B3GALT1: variants seen among roughly 807,000 people sequenced by gnomAD.
B3GALT1 encodes the protein beta-1,3-galactosyltransferase 1.
In B3GALT1, 10 loss-of-function variants were observed where a neutral mutation model predicts 23.2. That is an observed-to-expected ratio of 0.43 (90% CI 0.27 to 0.73). The LOEUF (loss-of-function observed/expected upper bound fraction) is 0.73. B3GALT1 is among the 30% of genes least tolerant of loss of function. The pLI is 0.21. For missense variants in B3GALT1, 299 were observed against 405.4 expected (o/e 0.74, Z 2.25); for synonymous variants, 156 against 141.5 (o/e 1.10, Z -0.73).
intron 2 of B3GALT1, among the ~76,000 whole-genome samples, chr2:167,539,753 AGGTGAAGATAATATAATTT>A (rs1257267025): frequency 1.3e-5 from 2 of 152,124 alleles, no homozygotes; most frequent in Non-Finnish European, 1.5e-5. Context: ...AGGTAATATA[AGGTGAAGATAATATAATTT>A]GGTATCCACA....
intron 2 of B3GALT1, among the ~76,000 whole-genome samples, chr2:167,556,725 A>G (rs79852433): frequency 0.011 from 1,737 of 152,260 alleles, 29 homozygotes; most frequent in African/African-American, 0.04. Flanking sequence ...GATGCCCTTA[A>G]TTGGAAAATG....
intron 4 of B3GALT1, among the ~76,000 whole-genome samples, chr2:167,837,908 A>T (rs1027581393): frequency 6.6e-6 from 1 of 152,172 alleles, no homozygotes; most frequent in African/African-American, 2.4e-5. Flanking sequence ...GAAACTGAAC[A>T]ACCTGCTCCT....
chr2:167,457,657 A>G (rs1699192692), intron 1 of B3GALT1, among the ~76,000 whole-genome samples: 2 of 152,118 alleles, frequency 1.3e-5, no homozygotes, highest in African/African-American at 2.4e-5. Context: ...TAATTTCTCA[A>G]GCAAATTCTG....
chr2:167,341,661 C>G (rs1304666089), intron 1 of B3GALT1, among the ~76,000 whole-genome samples: 1 of 151,148 alleles, frequency 6.6e-6, no homozygotes, highest in African/African-American at 2.4e-5. Flanking sequence ...CACTGCATCT[C>G]AAAAACAAAA....
chr2:167,530,723 T>C (rs930894714), intron 2 of B3GALT1, among the ~76,000 whole-genome samples: 1 of 152,238 alleles, frequency 6.6e-6, no homozygotes, highest in Non-Finnish European at 1.5e-5. Flanking sequence ...GTCTTATTTT[T>C]ACAACTCTTT....
At chr2:167,526,730 G>A (rs954040791) in intron 2 of B3GALT1, among the ~76,000 whole-genome samples, 8 of 152,080 alleles carry the variant, frequency 5.3e-5, no homozygotes, top group African/African-American at 1.9e-4. Flanking sequence ...TATTTTAATA[G>A]CTGCACTTTA....
chr2:167,706,440 T>G (rs897009147), intron 3 of B3GALT1, among the ~76,000 whole-genome samples: 1 of 152,270 alleles, frequency 6.6e-6, no homozygotes, highest in East Asian at 1.9e-4. Flanking sequence ...CTGAGGACCT[T>G]CAAAGAAAAT....
At chr2:167,700,228 A>G (rs1686857806) in intron 3 of B3GALT1, among the ~76,000 whole-genome samples, 1 of 152,184 alleles carries the variant, frequency 6.6e-6, no homozygotes, top group African/African-American at 2.4e-5. Context: ...TGGGTGACAG[A>G]GTAAGACCTT....
At chr2:167,415,503 C>T (rs1408376471) in intron 1 of B3GALT1, among the ~76,000 whole-genome samples, 1 of 152,092 alleles carries the variant, frequency 6.6e-6, no homozygotes, top group Non-Finnish European at 1.5e-5. Flanking sequence ...TGAGAAGTGG[C>T]ATGTTGCTGA....
chr2:167,519,866 G>A (rs1700161809), intron 2 of B3GALT1, among the ~76,000 whole-genome samples: 1 of 152,024 alleles, frequency 6.6e-6, no homozygotes, highest in Non-Finnish European at 1.5e-5. Flanking sequence ...AAGGTTAAGA[G>A]TTTGAGACCA....
intron 1 of B3GALT1, among the ~76,000 whole-genome samples, chr2:167,416,718 G>A (rs1234089514): frequency 6.6e-6 from 1 of 152,180 alleles, no homozygotes; most frequent in Non-Finnish European, 1.5e-5. Context: ...TGACTAGCAT[G>A]CAGCAAAGCC....
chr2:167,501,951 C>T (rs1240570559), intron 2 of B3GALT1, among the ~76,000 whole-genome samples: 1 of 152,046 alleles, frequency 6.6e-6, no homozygotes, highest in Non-Finnish European at 1.5e-5. Flanking sequence ...TAATTCATTT[C>T]ATGTTTTAAG....
intron 2 of B3GALT1, among the ~76,000 whole-genome samples, chr2:167,608,556 C>A (rs1472715799): frequency 1.3e-5 from 2 of 152,032 alleles, no homozygotes; most frequent in Non-Finnish European, 2.9e-5. Flanking sequence ...TAACATATTT[C>A]TTTCAAACAG....
At chr2:167,374,279 G>A (rs868451268) in intron 1 of B3GALT1, among the ~76,000 whole-genome samples, 3 of 152,162 alleles carry the variant, frequency 2.0e-5, no homozygotes, top group Non-Finnish European at 2.9e-5. Context: ...GGACACCTAC[G>A]TTGATTTTAT....
intron 2 of B3GALT1, among the ~76,000 whole-genome samples, chr2:167,531,941 A>G (rs1683333418): frequency 6.6e-6 from 1 of 152,196 alleles, no homozygotes; most frequent in African/African-American, 2.4e-5. Context: ...ATTTTTACAA[A>G]GAAGAATTTG....
At chr2:167,456,853 C>T (rs186001255) in intron 1 of B3GALT1, among the ~76,000 whole-genome samples, 13 of 152,310 alleles carry the variant, frequency 8.5e-5, no homozygotes, top group African/African-American at 3.1e-4. Context: ...ACTCTCCAAA[C>T]TCCATAGGTT....
rs1312705407 is a variant in B3GALT1, at chr2:167,501,126, T to C, written c.-410+10849T>C. ...AGCCATAATAAAAATGACTATTCTT[T>C]TAACTAACCGTATAAGATGTTGTGT... On this transcript the variant is annotated intron_variant, in intron 2 of 4. Transcript: ENST00000392690. Among the ~76,000 whole-genome samples, 8 of 152,232 alleles carry C rather than the reference T, an allele frequency of 5.3e-5. No individual in the cohort carries two copies. The East Asian group carries it at 1.5e-3, about 29-fold the overall frequency.
At chr2:167,650,170 G>A (rs1455575588) in intron 3 of B3GALT1, among the ~76,000 whole-genome samples, 1 of 151,144 alleles carries the variant, frequency 6.6e-6, no homozygotes, top group East Asian at 2.0e-4. Flanking sequence ...CAATTAAGAA[G>A]ACCATTTTTT....
chr2:167,512,568 G>GTC (rs72076744), intron 2 of B3GALT1, among the ~76,000 whole-genome samples: 1 of 38,734 alleles, frequency 2.6e-5, no homozygotes. Context: ...ATATATATAT[G>GTC]TATATATATA....
Sources: gnomAD v4.1 joint callset for allele counts (sites outside exome capture counted in the v4.1 genomes callset) on GRCh38, gnomAD v4.1.1 for gene constraint, MANE v1.5 for transcripts, NCBI Gene and HGNC (gene_info 2026-07-23, HGNC 2026-07-21) for gene names.